The following PCNX1 variants were observed in gnomAD, a reference collection of about 807,000 sequenced individuals.
PCNX1 encodes pecanex-like protein 1.
PCNX1 carries 78 observed loss-of-function variants against 242.2 expected under a neutral mutation model. The observed-to-expected ratio is 0.32, with a 90% CI of 0.27 to 0.39. The LOEUF (loss-of-function observed/expected upper bound fraction) is 0.39. Ranked by LOEUF, PCNX1 falls within the 10% of genes least tolerant of loss-of-function variation. The probability of loss-of-function intolerance (pLI) is 1.00; values close to 1 mark genes in which losing one functional copy is unlikely to be tolerated. For synonymous variants in PCNX1, 1,024 were observed against 1,032.9 expected (o/e 0.99, Z 0.17); for missense variants, 2,581 against 2,856.5 (o/e 0.90, Z 2.20).
chr14:70,968,896 A>C (rs2058458684), intron 4 of PCNX1, 125 bp from the exon 5 acceptor site: 1 of 623,958 alleles, frequency 1.6e-6, no homozygotes, highest in Non-Finnish European at 2.9e-6. Flanking sequence ...GTAACCTTTG[A>C]TACACAAAAA....
intron 28 of PCNX1, among the ~76,000 whole-genome samples, chr14:71,081,502 CT>C (rs1173826820): frequency 6.6e-6 from 1 of 152,040 alleles, no homozygotes; most frequent in South Asian, 2.1e-4. Flanking sequence ...TGATCCCGGG[CT>C]TTTTTTGGTT....
In PCNX1 at chr14:70,907,704, A is replaced by G. The variant is rs1001986677; in HGVS notation, c.-147A>G. 5.1e-6 allele frequency: 5 copies of G among 989,096 alleles called. No individual in the cohort carries two copies. In the African/African-American group the frequency reaches 6.9e-5, roughly 14 times the overall value. 61.3% of individuals were successfully genotyped at this position (989,096 alleles called of 1,614,324 possible). ...CTCCTCCTCCTCCTGCAGCAGCACC[A>G]GCGACCGCCGAAGCGCCGGCTCGCT... On this transcript the variant is annotated 5_prime_UTR_variant, in exon 1 of 36. Transcript: ENST00000304743.
intron 1 of PCNX1, among the ~76,000 whole-genome samples, chr14:70,929,607 A>C (rs1179233806): frequency 6.6e-6 from 1 of 152,238 alleles, no homozygotes; most frequent in East Asian, 1.9e-4. Flanking sequence ...TAGCTTATGG[A>C]GATAAGAATA....
chr14:71,055,667 A>G (rs1258570064), intron 25 of PCNX1, 105 bp downstream of exon 25: 4 of 619,510 alleles, frequency 6.5e-6, no homozygotes, highest in Non-Finnish European at 1.1e-5. Flanking sequence ...TGAATCCCAA[A>G]TATTCACTTT....
intron 1 of PCNX1, among the ~76,000 whole-genome samples, chr14:70,940,842 C>G (rs1172597284): frequency 6.6e-6 from 1 of 152,050 alleles, no homozygotes; most frequent in Non-Finnish European, 1.5e-5. Context: ...ACTCTTTTTT[C>G]TCTAAACTTC....
chr14:71,041,726 T>A (rs1235048506), intron 19 of PCNX1, among the ~76,000 whole-genome samples: 1 of 152,024 alleles, frequency 6.6e-6, no homozygotes, highest in African/African-American at 2.4e-5. Context: ...TTCCTTGAGG[T>A]ACATCATGAG....
chr14:70,967,498 A>G (rs1312343145), intron 3 of PCNX1, among the ~76,000 whole-genome samples: 1 of 152,160 alleles, frequency 6.6e-6, no homozygotes, highest in Non-Finnish European at 1.5e-5. Context: ...TATGATTTTC[A>G]TGGTAGTATA....
At chr14:70,932,099 C>A (rs1041682430) in intron 1 of PCNX1, among the ~76,000 whole-genome samples, 6 of 152,160 alleles carry the variant, frequency 3.9e-5, no homozygotes, top group African/African-American at 1.4e-4. Context: ...TGCACTCCAG[C>A]CTGGGCAACA....
At chr14:71,062,989 G>A (rs1031267748) in intron 26 of PCNX1, among the ~76,000 whole-genome samples, 3 of 152,136 alleles carry the variant, frequency 2.0e-5, no homozygotes, top group Non-Finnish European at 2.9e-5. Context: ...TAACCTAGGA[G>A]CAATAGGCTA....
intron 11 of PCNX1, among the ~76,000 whole-genome samples, chr14:71,015,943 A>C (rs1448789021): frequency 6.6e-6 from 1 of 152,198 alleles, no homozygotes; most frequent in African/African-American, 2.4e-5. Flanking sequence ...CTGTGATCTC[A>C]GCACTTTGGG....
chr14:71,020,900 C>T (rs1595269195), intron 12 of PCNX1, among the ~76,000 whole-genome samples: 1 of 152,112 alleles, frequency 6.6e-6, no homozygotes, highest in Non-Finnish European at 1.5e-5. Flanking sequence ...TTAGGTCTTA[C>T]ATTTAAGTCT....
chr14:70,991,999 C>A, intron 7 of PCNX1, among the ~76,000 whole-genome samples: 1 of 152,140 alleles, frequency 6.6e-6, no homozygotes, highest in South Asian at 2.1e-4. Context: ...AATTTTCTTA[C>A]AAAGAGAATT....
At chr14:71,025,666 C>T (rs1034857355) in intron 13 of PCNX1, among the ~76,000 whole-genome samples, 4 of 151,902 alleles carry the variant, frequency 2.6e-5, no homozygotes, top group Admixed American at 2.6e-4. Context: ...TCACTTGAGA[C>T]CAGGAGTTTG....
intron 11 of PCNX1, among the ~76,000 whole-genome samples, chr14:71,017,865 G>A (rs554064650): frequency 1.3e-5 from 2 of 152,164 alleles, no homozygotes; most frequent in Non-Finnish European, 2.9e-5. Flanking sequence ...ACTATTAAAT[G>A]TATTAAGTAC....
At chr14:71,094,151 T>C (rs1320896565) in intron 30 of PCNX1, among the ~76,000 whole-genome samples, 1 of 152,212 alleles carries the variant, frequency 6.6e-6, no homozygotes. Flanking sequence ...TTATTGATAA[T>C]AACCTCCAAC....
At position 70,962,220 on chromosome 14, in the gene PCNX1, C is replaced by T; in HGVS notation, c.363-6C>T. 6.4e-7 allele frequency: 1 copy of T among 1,556,668 alleles called. No individual in the cohort carries two copies. On this transcript the variant is annotated splice_region_variant and splice_polypyrimidine_tract_variant and intron_variant, in intron 2 of 35. Transcript: ENST00000304743. ...GTTACTCTTTTTCTCATTTTTTTCT[C>T]CACAGTGATCCTGGTGGAGGGATTG...
rs1330857535 is a variant in PCNX1 at position 71,112,801 on chromosome 14, C to A, written c.*2866C>A. 1 of 151,958 alleles carries A rather than the reference C, an allele frequency of 6.6e-6. No individual in the cohort carries two copies. The highest frequency in any genetic ancestry group is 1.5e-5 in the Non-Finnish European group (1 of 67,946). 9.4% of individuals were successfully genotyped at this position (151,958 alleles called of 1,614,324 possible). A position where few individuals can be genotyped will look rare whatever the true frequency, so the allele number is the denominator to read the frequency against. ...AAAATACTAGCTTTTTTATTCATTT[C>A]CTTTTGGTGGAGTTGTATGATTGAA... On this transcript the variant is annotated 3_prime_UTR_variant, in exon 36 of 36. Coordinates refer to ENST00000304743, the MANE Select transcript of PCNX1 (RefSeq NM_014982.3).
At chr14:70,948,830 G>A (rs375954559) in intron 2 of PCNX1, among the ~76,000 whole-genome samples, 104 of 141,880 alleles carry the variant, frequency 7.3e-4, no homozygotes, top group African/African-American at 2.3e-3. Flanking sequence ...TTATTTACTC[G>A]TATAAATAAA....
chr14:70,931,719 A>C (rs61988721), intron 1 of PCNX1, among the ~76,000 whole-genome samples: 2,168 of 152,348 alleles, frequency 0.014, 24 homozygotes, highest in Middle Eastern at 0.034. Context: ...TTTTCGCAAT[A>C]AATATGCTAG....
Sources: gnomAD v4.1 joint callset for allele counts (sites outside exome capture counted in the v4.1 genomes callset) on GRCh38, gnomAD v4.1.1 for gene constraint, MANE v1.5 for transcripts, NCBI Gene and HGNC (gene_info 2026-07-23, HGNC 2026-07-21) for gene names.